ELMO1: variants seen among roughly 807,000 people sequenced by gnomAD.
ELMO1 encodes engulfment and cell motility protein 1.
Under a neutral mutation model 98.9 loss-of-function variants are expected in ELMO1, and 26 were observed. The observed-to-expected ratio is 0.26, with a 90% CI of 0.19 to 0.36. ELMO1 has a LOEUF of 0.36. ELMO1 is among the 10% of genes least tolerant of loss of function. ELMO1 has a pLI of 1.00. For missense variants in ELMO1, 627 were observed against 935.2 expected (o/e 0.67, Z 4.30); for synonymous variants, 346 against 346.0 (o/e 1.00, Z 0.00).
intron 4 of ELMO1, among the ~76,000 whole-genome samples, chr7:37,281,392 T>C (rs1346206057): frequency 6.6e-6 from 1 of 151,858 alleles, no homozygotes; most frequent in Non-Finnish European, 1.5e-5. Context: ...AAATAAAGTG[T>C]GTGAGGAAGA....
chr7:37,050,571 C>T (rs1796045659), intron 15 of ELMO1, among the ~76,000 whole-genome samples: 1 of 148,004 alleles, frequency 6.8e-6, no homozygotes, highest in Non-Finnish European at 1.5e-5. Context: ...GTATTGTATG[C>T]TGGAAATTTG....
At chr7:37,309,895 C>T (rs1306301214) in intron 4 of ELMO1, among the ~76,000 whole-genome samples, 1 of 152,180 alleles carries the variant, frequency 6.6e-6, no homozygotes, top group African/African-American at 2.4e-5. Flanking sequence ...ACTGGGATTA[C>T]CCTGCTTACT....
rs764259726 is a variant in ELMO1, at chr7:37,080,600, AT to A, written c.1300+16018del. Among the ~76,000 whole-genome samples the A allele has an allele frequency of 7.7e-3, 806 of 105,214 alleles. 1 individual carries two copies. Among genetic ancestry groups the A allele is most frequent in the East Asian group, 8.5e-3 (31 of 3,666 alleles). The allele number at this position is 105,214 out of a possible 152,430, so 69.0% of individuals were successfully genotyped here. On this transcript the variant is annotated intron_variant, in intron 15 of 21. Coordinates refer to ENST00000310758, the MANE Select transcript of ELMO1 (RefSeq NM_014800.11). ...CTACAGGCGCCTGCCACCACGCCTA[AT>A]TTTTTTTTTTTTTTTTTTTTTTTGT... is the stretch of plus-strand genomic sequence containing the variant.
chr7:37,123,888 G>A (rs553233027), intron 14 of ELMO1, among the ~76,000 whole-genome samples: 56 of 152,220 alleles, frequency 3.7e-4, no homozygotes, highest in African/African-American at 1.0e-3. Context: ...AAAATCCTCA[G>A]TAAAATACTG....
At chr7:37,187,152 T>C (rs1231961221) in intron 13 of ELMO1, among the ~76,000 whole-genome samples, 3 of 152,158 alleles carry the variant, frequency 2.0e-5, no homozygotes, top group Admixed American at 6.5e-5. Context: ...AACGGATACA[T>C]GAGACTACAT....
intron 14 of ELMO1, among the ~76,000 whole-genome samples, chr7:37,102,369 G>A (rs773233941): frequency 6.6e-6 from 1 of 152,158 alleles, no homozygotes; most frequent in Non-Finnish European, 1.5e-5. Context: ...AAACAAACAT[G>A]TCCAAGCCCT....
At chr7:37,187,481 ATGAGT>A (rs777133780) in intron 13 of ELMO1, among the ~76,000 whole-genome samples, 12 of 152,330 alleles carry the variant, frequency 7.9e-5, no homozygotes, top group Non-Finnish European at 1.3e-4. Context: ...CTGTTAAAAT[ATGAGT>A]TATGTTCTCA....
chr7:37,373,176 G>A (rs62462588), intron 1 of ELMO1, among the ~76,000 whole-genome samples: 1 of 152,204 alleles, frequency 6.6e-6, no homozygotes, highest in African/African-American at 2.4e-5. Context: ...GGTCGGTTCT[G>A]GGAAAGGCAC....
chr7:37,183,183 C>T (rs565245231), intron 13 of ELMO1, among the ~76,000 whole-genome samples: 2 of 150,194 alleles, frequency 1.3e-5, no homozygotes, highest in Non-Finnish European at 1.5e-5. Flanking sequence ...AAGAGGAGGA[C>T]GATCTGGCAC....
At chr7:36,919,428 T>C (rs767606822) in intron 16 of ELMO1, 20 of 527,020 alleles carry the variant, frequency 3.8e-5, no homozygotes, top group African/African-American at 7.7e-5. Context: ...TCAGGAGAAG[T>C]AGCATAGTAA....
intron 1 of ELMO1, among the ~76,000 whole-genome samples, chr7:37,345,922 G>A (rs989254821): frequency 1.3e-5 from 2 of 151,100 alleles, no homozygotes; most frequent in Non-Finnish European, 2.9e-5. Context: ...CCAGGAGGCA[G>A]AGCTTGCAGT....
At chr7:37,417,410 C>G (rs1459804133) in intron 1 of ELMO1, among the ~76,000 whole-genome samples, 1 of 152,070 alleles carries the variant, frequency 6.6e-6, no homozygotes, top group Non-Finnish European at 1.5e-5. Context: ...GCCTGTAATC[C>G]CAGCACTTTC....
At chr7:36,897,466 T>C (rs2129056808) in intron 16 of ELMO1, among the ~76,000 whole-genome samples, 1 of 152,018 alleles carries the variant, frequency 6.6e-6, no homozygotes, top group East Asian at 1.9e-4. Flanking sequence ...TGGATGATAG[T>C]TTGTTCCTGT....
intron 6 of ELMO1, among the ~76,000 whole-genome samples, chr7:37,252,686 T>C (rs1429811070): frequency 6.6e-6 from 1 of 152,148 alleles, no homozygotes; most frequent in African/African-American, 2.4e-5. Flanking sequence ...GCTTCATGAC[T>C]AAAACCCCAA....
At chr7:37,268,487 G>A (rs534041226) in intron 5 of ELMO1, among the ~76,000 whole-genome samples, 2 of 152,158 alleles carry the variant, frequency 1.3e-5, no homozygotes, top group Admixed American at 6.5e-5. Context: ...TTTTAGTAGT[G>A]ATGGGGTTTT....
At chr7:37,217,033 T>C (rs1228694053) in intron 10 of ELMO1, among the ~76,000 whole-genome samples, 1 of 152,214 alleles carries the variant, frequency 6.6e-6, no homozygotes, top group Non-Finnish European at 1.5e-5. Flanking sequence ...CATCTTTTAT[T>C]AGACTACGTA....
intron 13 of ELMO1, among the ~76,000 whole-genome samples, chr7:37,161,702 T>C (rs1006489556): frequency 4.0e-5 from 6 of 151,594 alleles, no homozygotes; most frequent in African/African-American, 1.4e-4. Flanking sequence ...TTGAGTATTC[T>C]GTCAATTCAA....
At chr7:37,278,648 A>G (rs1796980519) in intron 4 of ELMO1, among the ~76,000 whole-genome samples, 1 of 152,192 alleles carries the variant, frequency 6.6e-6, no homozygotes, top group African/African-American at 2.4e-5. Context: ...GGGTTTTCCT[A>G]ACCAGCTCCC....
intron 10 of ELMO1, among the ~76,000 whole-genome samples, chr7:37,221,567 C>T (rs1793596145): frequency 6.6e-6 from 1 of 152,126 alleles, no homozygotes; most frequent in Admixed American, 6.5e-5. Flanking sequence ...CAAGACAAGG[C>T]AAAATTCCAC....
Sources: allele counts gnomAD v4.1 joint callset (sites outside exome capture counted in the v4.1 genomes callset), GRCh38; gene constraint gnomAD v4.1.1; transcripts MANE v1.5; gene names NCBI Gene and HGNC (gene_info 2026-07-23, HGNC 2026-07-21).